The following OPRL1 variants were observed in gnomAD, a reference collection of about 807,000 sequenced individuals.
The protein encoded by OPRL1 is nociceptin receptor.
OPRL1 carries 5 observed loss-of-function variants against 15.5 expected under a neutral mutation model. That is an observed-to-expected ratio of 0.32 (90% CI 0.17 to 0.68). OPRL1 has a LOEUF of 0.68. Ranked by LOEUF, OPRL1 falls within the 30% of genes least tolerant of loss-of-function variation. The pLI is 0.72. For synonymous variants in OPRL1, 223 were observed against 230.2 expected (o/e 0.97, Z 0.28); for missense variants, 406 against 515.3 (o/e 0.79, Z 2.05).
chr20:64,086,181 G>A (rs898703257), intron 1 of OPRL1, among the ~76,000 whole-genome samples: 1 of 152,212 alleles, frequency 6.6e-6, no homozygotes, highest in African/African-American at 2.4e-5. Flanking sequence ...GCTTCCCTGG[G>A]TCCAGGCCAG....
In OPRL1 at chr20:64,098,586, T is replaced by G; in HGVS notation, c.900T>G (p.Ile300Met). The stretch of plus-strand genomic sequence containing the variant: ...CGAGCAGCGAGACTGCCGTGGCCAT[T>G]CTGCGCTTCTGCACGGCCCTGGGCT... ...VQPSSETAVA[I>M]LRFCTALGYV... Residue 300 changes from isoleucine (I) to methionine (M), a missense_variant, in exon 5 of 5, where the codon ATT becomes ATG. By Grantham distance (10) the Ile-to-Met change is conservative (BLOSUM62 1). Transcript: ENST00000336866. 6.2e-7 allele frequency: 1 copy of G among 1,612,852 alleles called. No homozygotes were observed. Among genetic ancestry groups the G allele is most frequent in the Non-Finnish European group, 8.5e-7 (1 of 1,179,978 alleles).
At chr20:64,086,956 C>T (rs1372003919) in intron 1 of OPRL1, among the ~76,000 whole-genome samples, 2 of 152,116 alleles carry the variant, frequency 1.3e-5, no homozygotes, top group Non-Finnish European at 2.9e-5. Flanking sequence ...TGCCGTCTGG[C>T]GTTTGCTGAT....
At position 64,092,874 on chromosome 20, in the gene OPRL1, G is replaced by T. The variant is rs1051265124; in HGVS notation, c.154G>T (p.Val52Phe). Residue 52 changes from valine to phenylalanine, a missense_variant, in exon 3 of 5, where the codon GTC becomes TTC. Val to Phe is a conservative substitution (Grantham distance 50). Transcript: ENST00000336866. ...HGAFLPLGLKVTIVGLYLAVC... is the reference protein window; with the variant it reads ...HGAFLPLGLKFTIVGLYLAVC... ...CGCCTTCCTGCCCCTCGGGCTCAAGGTCACCATCGTGGGGCTCTACCTGGC... is the reference window on the plus strand; with the variant it reads ...CGCCTTCCTGCCCCTCGGGCTCAAGTTCACCATCGTGGGGCTCTACCTGGC... The T allele has an allele frequency of 3.7e-6, 6 of 1,612,614 alleles. No individual in the cohort carries two copies. The highest frequency in any genetic ancestry group is 5.1e-6 in the Non-Finnish European group (6 of 1,179,948).
In OPRL1 at chr20:64,097,608, T is replaced by C. The variant is rs925436219; in HGVS notation, c.234-194T>C. On this transcript the variant is annotated intron_variant, in intron 3 of 4. Coordinates refer to ENST00000336866, the MANE Select transcript of OPRL1 (RefSeq NM_182647.4). The surrounding 1 kb of genome is among the most constrained non-coding windows in gnomAD (Gnocchi z 4.2). ...GGTTAAGACGTTTGACCCCAGGCCC[T>C]ACCCCCTGAGACTGACTCATGAGTC... 4.0e-5 allele frequency among the ~76,000 whole-genome samples: 6 copies of C among 150,894 alleles called. No homozygotes were observed. In the East Asian group the frequency reaches 5.8e-4, roughly 15 times the overall value.
chr20:64,082,674 G>C lies in OPRL1; in HGVS notation c.-185+2322G>C, dbSNP rs531237539. 4.6e-5 allele frequency among the ~76,000 whole-genome samples: 7 copies of C among 152,252 alleles called. No homozygotes were observed. In the South Asian group the frequency reaches 1.0e-3, roughly 23 times the overall value. ...CCAGCGTCTGCAAAGAGCTCACGTC[G>C]GGGAGAAAAGTAAGGTCTGCCCAGA... On this transcript the variant is annotated intron_variant, in intron 1 of 4. Transcript: ENST00000336866.
At position 64,098,071 on chromosome 20, in the gene OPRL1, A is replaced by T. The variant is rs943510548; in HGVS notation, c.503A>T (p.Gln168Leu). 1.2e-6 allele frequency: 2 copies of T among 1,613,202 alleles called. No homozygotes were observed. Among genetic ancestry groups the T allele is most frequent in the African/African-American group, 2.7e-5 (2 of 74,898 alleles). Residue 168 changes from glutamine (Q) to leucine (L), a missense_variant, in exon 4 of 5, where the codon CAG (glutamine) becomes CTG (leucine). Physicochemically the swap from Gln to Leu is moderately radical, Grantham distance 113 (BLOSUM62 -2). Transcript: ENST00000336866. ...GACGTCCGCACGTCCAGCAAAGCCC[A>T]GGCTGTCAATGTGGCCATCTGGGCC... ...ALDVRTSSKAQAVNVAIWALA... is the reference protein window; with the variant it reads ...ALDVRTSSKALAVNVAIWALA...
intron 1 of OPRL1, chr20:64,085,039 C>G (rs1047035638): frequency 1.3e-5 from 2 of 152,178 alleles, no homozygotes; most frequent in African/African-American, 4.8e-5. Flanking sequence ...CGGGTCGTGG[C>G]GGGGGGCAGG....
chr20:64,080,953 C>G (rs2059960339), intron 1 of OPRL1, among the ~76,000 whole-genome samples: 1 of 152,120 alleles, frequency 6.6e-6, no homozygotes, highest in Non-Finnish European at 1.5e-5. Flanking sequence ...ATTCAACGGA[C>G]AAGTATCAGT....
At position 64,085,703 on chromosome 20, in the gene OPRL1, C is replaced by T. The variant is rs935207515; in HGVS notation, c.-185+5351C>T. ...ACTCTCTCTATATTCACAGACCTGC[C>T]GCTGGGACACCTTGCTGGGAGTTTG... is the stretch of plus-strand genomic sequence containing the variant. On this transcript the variant is annotated intron_variant, in intron 1 of 4. Coordinates refer to ENST00000336866, the MANE Select transcript of OPRL1 (RefSeq NM_182647.4). Among the ~76,000 whole-genome samples, 14 of 152,254 alleles carry T rather than the reference C, an allele frequency of 9.2e-5. No homozygotes were observed. In the South Asian group the frequency reaches 1.2e-3, roughly 14 times the overall value.
In OPRL1 at chr20:64,097,805, C is replaced by CA; in HGVS notation, c.238dup (p.Thr80AsnfsTer13). The stretch of plus-strand genomic sequence containing the variant: ...TTCTTCTCCCTCTACTCCGCAGGCA[C>CA]ACCAAAATGAAGACAGCCACCAATA... On this transcript the variant is annotated frameshift_variant, in exon 4 of 5. Coordinates refer to ENST00000336866, the MANE Select transcript of OPRL1 (RefSeq NM_182647.4). LOFTEE classifies it high-confidence loss of function. The surrounding 1 kb of genome is among the most constrained non-coding windows in gnomAD (Gnocchi z 4.2). The CA allele has an allele frequency of 6.2e-7, 1 of 1,611,142 alleles. No homozygotes were observed. The highest frequency in any genetic ancestry group is 2.2e-5 in the East Asian group (1 of 44,798).
chr20:64,083,791 C>G lies in OPRL1; in HGVS notation c.-185+3439C>G, dbSNP rs1426177109. 1.5e-6 allele frequency: 2 copies of G among 1,339,194 alleles called. No homozygotes were observed. The highest frequency in any genetic ancestry group is 1.9e-6 in the Non-Finnish European group (2 of 1,051,368). 83.0% of individuals were successfully genotyped at this position (1,339,194 alleles called of 1,614,324 possible). ...CCGCTCAACGCTCCCGGTGCGCCCCCTCTGCCCTCCGACCCCCTCGCCTCA... is the reference window on the plus strand; with the variant it reads ...CCGCTCAACGCTCCCGGTGCGCCCCGTCTGCCCTCCGACCCCCTCGCCTCA... On this transcript the variant is annotated intron_variant, in intron 1 of 4. Coordinates refer to ENST00000336866, the MANE Select transcript of OPRL1 (RefSeq NM_182647.4). This position sits in a 1 kb window ranked among gnomAD's most constrained non-coding sequence, Gnocchi z 4.9.
rs1374645941 is a variant in OPRL1, at chr20:64,089,578, T to G, written c.-184-2388T>G. Among the ~76,000 whole-genome samples the G allele has an allele frequency of 6.6e-6, 1 of 151,952 alleles. No individual in the cohort carries two copies. The highest frequency in any genetic ancestry group is 1.5e-5 in the Non-Finnish European group (1 of 67,992). ...TTCCTCCCCACTCCTTTCCCTTTCC[T>G]CCTCCTCCCCATCCCAACCCCTCAT... On this transcript the variant is annotated intron_variant, in intron 1 of 4. Transcript: ENST00000336866. The surrounding 1 kb of genome is among the most constrained non-coding windows in gnomAD (Gnocchi z 5.5).
chr20:64,093,000 C>T (rs1383852988), intron 3 of OPRL1, 47 bp downstream of exon 3: 5 of 1,538,878 alleles, frequency 3.2e-6, no homozygotes, highest in African/African-American at 1.4e-5. Flanking sequence ...CACACGGCTG[C>T]AGAGGGGGAA....
chr20:64,098,923 G>C lies in OPRL1; in HGVS notation c.*124G>C. 7.5e-7 allele frequency: 1 copy of C among 1,327,866 alleles called. No homozygotes were observed. 82.3% of individuals were successfully genotyped at this position (1,327,866 alleles called of 1,614,324 possible). ...CTGGGCCCTGAGCATCCAGAGCCTGGGATGGGCTTTTCCCTGTGGGCCAGG... is the reference window on the plus strand; with the variant it reads ...CTGGGCCCTGAGCATCCAGAGCCTGCGATGGGCTTTTCCCTGTGGGCCAGG... On this transcript the variant is annotated 3_prime_UTR_variant, in exon 5 of 5. Transcript: ENST00000336866.
At position 64,092,782 on chromosome 20, in the gene OPRL1, A is replaced by G; in HGVS notation, c.62A>G (p.Asn21Ser). 1.2e-6 allele frequency: 2 copies of G among 1,612,684 alleles called. No individual in the cohort carries two copies. Among genetic ancestry groups the G allele is most frequent in the South Asian group, 2.2e-5 (2 of 91,080 alleles). ...ATCTACGGCAGCCACCTTCAGGGCA[A>G]CCTGTCCCTCCTGAGCCCCAACCAC... ...EVIYGSHLQG[N>S]LSLLSPNHSL... Residue 21 changes from asparagine (N) to serine (S), a missense_variant, in exon 3 of 5, where the codon AAC becomes AGC. Asn to Ser is a conservative substitution (Grantham distance 46). Transcript: ENST00000336866.
At chr20:64,080,876 C>G (rs1439303138) in intron 1 of OPRL1, among the ~76,000 whole-genome samples, 1 of 152,210 alleles carries the variant, frequency 6.6e-6, no homozygotes, top group Non-Finnish European at 1.5e-5. Context: ...AGGTCAGGTG[C>G]ACACCTTACA....
intron 1 of OPRL1, among the ~76,000 whole-genome samples, chr20:64,086,234 G>A (rs573164757): frequency 1.3e-5 from 2 of 152,214 alleles, no homozygotes; most frequent in Admixed American, 6.5e-5. Flanking sequence ...TGGCGTTTGT[G>A]GGGGAGTCAC....
In OPRL1 at chr20:64,083,771, C is replaced by G; in HGVS notation, c.-185+3419C>G. 2.2e-6 allele frequency: 3 copies of G among 1,333,684 alleles called. No homozygotes were observed. Among genetic ancestry groups the G allele is most frequent in the Non-Finnish European group, 1.9e-6 (2 of 1,047,918 alleles). 82.6% of individuals were successfully genotyped at this position (1,333,684 alleles called of 1,614,324 possible). A position where few individuals can be genotyped will look rare whatever the true frequency, so the allele number is the denominator to read the frequency against. Reference sequence around the variant, plus strand: ...CCGCCCCGCCCCGGCCGGCTCCGCTCAACGCTCCCGGTGCGCCCCCTCTGC... The same window carrying G: ...CCGCCCCGCCCCGGCCGGCTCCGCTGAACGCTCCCGGTGCGCCCCCTCTGC... On this transcript the variant is annotated intron_variant, in intron 1 of 4. Transcript: ENST00000336866. This position sits in a 1 kb window ranked among gnomAD's most constrained non-coding sequence, Gnocchi z 4.9.
chr20:64,084,855 C>T (rs1237204532), intron 1 of OPRL1, among the ~76,000 whole-genome samples: 1 of 152,224 alleles, frequency 6.6e-6, no homozygotes, highest in East Asian at 1.9e-4. Flanking sequence ...GCTAACGCCC[C>T]CGCCCCTCCT....
Sources: allele counts gnomAD v4.1 joint callset (sites outside exome capture counted in the v4.1 genomes callset), GRCh38; gene constraint gnomAD v4.1.1; non-coding constraint Gnocchi (gnomAD v3.1); transcripts MANE v1.5; gene names NCBI Gene and HGNC (gene_info 2026-07-23, HGNC 2026-07-21).